Variants in MGAM2 observed in about 807,000 individuals in gnomAD.
The protein encoded by MGAM2 is probable maltase-glucoamylase 2.
In MGAM2, 98 loss-of-function variants were observed where a neutral mutation model predicts 96.1. The ratio of observed to expected loss-of-function variants is 1.02; its 90% CI spans 0.87 to 1.21. The LOEUF (loss-of-function observed/expected upper bound fraction) is 1.21. Among genes scored for constraint, MGAM2 ranks in the 50% most tolerant of loss-of-function variants. The pLI is 0.00. For synonymous variants in MGAM2, 749 were observed against 414.8 expected (o/e 1.81, Z -9.79); for missense variants, 2,055 against 1,182.4 (o/e 1.74, Z -10.82).
chr7:142,220,774 G>C lies in MGAM2; in HGVS notation c.6263G>C (p.Ser2088Thr), dbSNP rs1207591139. ...VPNTTMPSPT[S>T]STTVSTIATV... ...AATACCACTATGCCTTCTCCTACAA[G>C]TAGTACTACTGTGAGTACTATTGCT... Residue 2088 changes from serine to threonine, a missense_variant, in exon 48 of 48, where the codon AGT becomes ACT. Coordinates refer to ENST00000477922, the MANE Select transcript of MGAM2 (RefSeq NM_001293626.2). 1 of 702,128 alleles carries C rather than the reference G, an allele frequency of 1.4e-6. No individual in the cohort carries two copies. The allele number at this position is 702,128 out of a possible 1,614,324, so 43.5% of individuals were successfully genotyped here.
At chr7:142,131,447 C>CA (rs1220158550) in intron 4 of MGAM2, 71 bp from the exon 5 acceptor site, 11 of 675,752 alleles carry the variant, frequency 1.6e-5, no homozygotes, top group Non-Finnish European at 3.0e-5. Flanking sequence ...AAAACAAAAA[C>CA]AAAAACAAAA....
intron 46 of MGAM2, among the ~76,000 whole-genome samples, chr7:142,212,971 C>A (rs550200823): frequency 1.3e-5 from 2 of 152,178 alleles, no homozygotes; most frequent in African/African-American, 4.8e-5. Context: ...GAACAGAAAT[C>A]ATAACAAAGA....
chr7:142,129,816 ACT>A (rs1347570241), intron 3 of MGAM2, among the ~76,000 whole-genome samples: 1 of 120,716 alleles, frequency 8.3e-6, no homozygotes, highest in African/African-American at 3.0e-5. Context: ...CAAGAACAAA[ACT>A]CTGTCTCAAA....
intron 36 of MGAM2, among the ~76,000 whole-genome samples, chr7:142,189,047 A>G (rs554185812): frequency 1.3e-5 from 2 of 152,346 alleles, no homozygotes; most frequent in Admixed American, 1.3e-4. Context: ...GGAGAACATT[A>G]CCATCTAGTG....
chr7:142,200,079 A>C (rs1797176786), intron 45 of MGAM2, 111 bp downstream of exon 45: 2 of 493,084 alleles, frequency 4.1e-6, no homozygotes, highest in Admixed American at 7.2e-5. Context: ...ATTGTCAATA[A>C]GGCAATAACA....
At chr7:142,191,476 A>C (rs972248476) in intron 37 of MGAM2, among the ~76,000 whole-genome samples, 1 of 152,120 alleles carries the variant, frequency 6.6e-6, no homozygotes, top group Admixed American at 6.5e-5. Context: ...GTATGGTGTG[A>C]GGTAGTGGTT....
chr7:142,178,984 T>A (rs1197233035), intron 32 of MGAM2, among the ~76,000 whole-genome samples: 1 of 152,076 alleles, frequency 6.6e-6, no homozygotes, highest in Non-Finnish European at 1.5e-5. Flanking sequence ...TTTCACCTGC[T>A]TGGTTAGATG....
rs890809901 is a variant in MGAM2, at chr7:142,143,783, G to A, written c.1332G>A (p.Pro444=). 24 of 678,152 alleles carry A rather than the reference G, an allele frequency of 3.5e-5. No individual in the cohort carries two copies. The highest frequency in any genetic ancestry group is 2.3e-4 in the Middle Eastern group (1 of 4,294). The allele number at this position is 678,152 out of a possible 1,614,324, so 42.0% of individuals were successfully genotyped here. ...GFAVGEGYPG[P]TVFPDYTNPV... is the part of the protein sequence containing the mutation. ...CTGTGTCCTAGGGATATCCGGGACCGACAGTCTTTCCCGATTATACCAATC... is the reference window on the plus strand; with the variant it reads ...CTGTGTCCTAGGGATATCCGGGACCAACAGTCTTTCCCGATTATACCAATC... The change falls in exon 13 of 48, where the codon CCG becomes CCA. Residue 444 remains proline, a synonymous_variant. Transcript: ENST00000477922.
chr7:142,157,024 T>C (rs1445177121), intron 17 of MGAM2, among the ~76,000 whole-genome samples: 1 of 152,168 alleles, frequency 6.6e-6, no homozygotes, highest in Non-Finnish European at 1.5e-5. Context: ...TTGCACAATG[T>C]ATGTCAAAGA....
intron 17 of MGAM2, among the ~76,000 whole-genome samples, chr7:142,157,393 A>ATT (rs11287092): frequency 7.0e-5 from 10 of 142,672 alleles, no homozygotes; most frequent in Admixed American, 1.4e-4. Flanking sequence ...ACAGACACCA[A>ATT]TTTTTTTTTT....
In MGAM2 at chr7:142,171,347, C is replaced by T. The variant is rs2129090291; in HGVS notation, c.3258C>T (p.Tyr1086=). ...TTTCTACGCGTCTGCCGTCCCAGTA[C>T]ATCTATGGCTTTGGGGAAACTGAGC... is the stretch of plus-strand genomic sequence containing the variant. ...LSISTRLPSQ[Y]IYGFGETEHT... Residue 1086 remains tyrosine, a synonymous_variant, in exon 28 of 48, where the codon TAC becomes TAT. Transcript: ENST00000477922. The T allele has an allele frequency of 2.8e-6, 2 of 703,038 alleles. No individual in the cohort carries two copies. Among genetic ancestry groups the T allele is most frequent in the East Asian group, 5.4e-5 (2 of 37,264 alleles). 43.5% of individuals were successfully genotyped at this position (703,038 alleles called of 1,614,324 possible).
intron 2 of MGAM2, 93 bp downstream of exon 2, chr7:142,117,072 C>T (rs1817433259): frequency 1.5e-6 from 1 of 688,876 alleles, no homozygotes; most frequent in Admixed American, 2.1e-5. Flanking sequence ...TTTCAATATG[C>T]CACTACATTG....
chr7:142,115,313 C>T (rs1250542549), intron 1 of MGAM2, among the ~76,000 whole-genome samples: 1 of 152,256 alleles, frequency 6.6e-6, no homozygotes, highest in Non-Finnish European at 1.5e-5. Flanking sequence ...GATTATGAGC[C>T]TCGGTGGCAT....
chr7:142,144,971 C>G, intron 14 of MGAM2, 26 bp downstream of exon 14: 2 of 701,874 alleles, frequency 2.8e-6, no homozygotes, highest in Non-Finnish European at 5.2e-6. Flanking sequence ...TTTGCTATGA[C>G]GTAGGAATAA....
chr7:142,152,657 A>G (rs1795613517), intron 15 of MGAM2, among the ~76,000 whole-genome samples: 1 of 152,196 alleles, frequency 6.6e-6, no homozygotes, highest in African/African-American at 2.4e-5. Context: ...AGGAAAAGAT[A>G]CACTTGTCTC....
intron 31 of MGAM2, among the ~76,000 whole-genome samples, chr7:142,174,364 G>A (rs775378049): frequency 6.6e-6 from 1 of 152,090 alleles, no homozygotes; most frequent in Non-Finnish European, 1.5e-5. Flanking sequence ...ACAGTGGTTT[G>A]TAGTTCTCCT....
At chr7:142,132,478 A>G (rs906510018) in intron 6 of MGAM2, among the ~76,000 whole-genome samples, 1 of 139,414 alleles carries the variant, frequency 7.2e-6, no homozygotes, top group Non-Finnish European at 1.5e-5. Flanking sequence ...AAAATTATAA[A>G]TTTCATAATT....
chr7:142,168,282 T>A (rs1187465690), intron 26 of MGAM2, among the ~76,000 whole-genome samples: 2 of 151,836 alleles, frequency 1.3e-5, no homozygotes, highest in African/African-American at 4.8e-5. Context: ...TTTTTTTTTT[T>A]TTTTGAGACA....
At chr7:142,126,008 T>C (rs1033802790) in intron 3 of MGAM2, among the ~76,000 whole-genome samples, 2 of 152,186 alleles carry the variant, frequency 1.3e-5, no homozygotes, top group African/African-American at 4.8e-5. Context: ...TTTGCATCTA[T>C]ATATTTATTT....
Sources: allele counts gnomAD v4.1 joint callset (sites outside exome capture counted in the v4.1 genomes callset), GRCh38; gene constraint gnomAD v4.1.1; transcripts MANE v1.5; gene names NCBI Gene and HGNC (gene_info 2026-07-23, HGNC 2026-07-21).